CCDC83: variants seen among roughly 807,000 people sequenced by gnomAD.
CCDC83 encodes coiled-coil domain-containing protein 83.
A neutral mutation model predicts 50.1 loss-of-function variants in CCDC83; 54 were observed. That is an observed-to-expected ratio of 1.08 (90% confidence interval 0.87 to 1.35). The LOEUF (loss-of-function observed/expected upper bound fraction) is 1.35, where lower values mean the gene tolerates loss of function less well. Among genes scored for constraint, CCDC83 ranks in the 40% most tolerant of loss-of-function variants. CCDC83 has a pLI of 0.00. For synonymous variants in CCDC83, 161 were observed against 153.3 expected, an observed-to-expected ratio of 1.05 and a Z score of -0.37; for missense variants, 518 against 473.9, an observed-to-expected ratio of 1.09 and a Z score of -0.86.
At chr11:85,912,239 T>C (rs1298903939) in intron 8 of CCDC83, among the ~76,000 whole-genome samples, 4 of 152,130 alleles carry the variant, frequency 2.6e-5, no homozygotes, top group African/African-American at 4.8e-5. Flanking sequence ...ACACAAGTAG[T>C]TCCTATTGTT....
At chr11:85,875,907 T>G (rs1408988100) in intron 3 of CCDC83, among the ~76,000 whole-genome samples, 1 of 152,206 alleles carries the variant, frequency 6.6e-6, no homozygotes, top group East Asian at 1.9e-4. Context: ...CGTAGTTCAC[T>G]CTGTCTACTT....
At chr11:85,860,830 G>T (rs541482057) in intron 1 of CCDC83, among the ~76,000 whole-genome samples, 1 of 152,336 alleles carries the variant, frequency 6.6e-6, no homozygotes, top group African/African-American at 2.4e-5. Context: ...CGTGTCCTTT[G>T]TAGCAACATG....
intron 10 of CCDC83, among the ~76,000 whole-genome samples, chr11:85,917,162 G>GGAA (rs2093482391): frequency 3.6e-4 from 24 of 65,882 alleles, no homozygotes; most frequent in African/African-American, 1.3e-3. Context: ...GAGAGAGAGA[G>GGAA]AGAGAGAAAG....
At chr11:85,885,859 T>G (rs1234406036) in intron 4 of CCDC83, among the ~76,000 whole-genome samples, 6 of 152,194 alleles carry the variant, frequency 3.9e-5, no homozygotes, top group African/African-American at 7.2e-5. Flanking sequence ...GAATACATAT[T>G]ATACATATTA....
rs2093134378 is a variant in CCDC83, at chr11:85,855,550, G to A, written c.-63G>A. The A allele has an allele frequency of 6.6e-6, 1 of 152,378 alleles. No individual in the cohort carries two copies. The highest frequency in any genetic ancestry group is 1.5e-5 in the Non-Finnish European group (1 of 68,180). 9.4% of individuals were successfully genotyped at this position (152,378 alleles called of 1,614,324 possible). A position where few individuals can be genotyped will look rare whatever the true frequency, so the allele number is the denominator to read the frequency against. ...GGTAGAACCCCTGGATACATTATTTGCCCTCTCGAAAGGCAGGCTCTGAAT... is the reference window on the plus strand; with the variant it reads ...GGTAGAACCCCTGGATACATTATTTACCCTCTCGAAAGGCAGGCTCTGAAT... On this transcript the variant is annotated 5_prime_UTR_variant, in exon 1 of 11. Transcript: ENST00000342404.
intron 7 of CCDC83, among the ~76,000 whole-genome samples, chr11:85,901,712 T>A (rs2093403240): frequency 6.7e-6 from 1 of 149,262 alleles, no homozygotes; most frequent in South Asian, 2.1e-4. Flanking sequence ...ATCCAACTAA[T>A]ACAAATACAC....
intron 10 of CCDC83, among the ~76,000 whole-genome samples, chr11:85,917,166 G>GAAAGAAAGAAAGAAAGAAAGAAAGAA (rs59229600): frequency 2.4e-3 from 150 of 62,376 alleles, no homozygotes; most frequent in Non-Finnish European, 3.5e-3. Flanking sequence ...GAGAGAGAGA[G>GAAAGAAAGAAAGAAAGAAAGAAAGAA]AGAAAGAAAG....
At chr11:85,858,507 G>T (rs2093155890) in intron 1 of CCDC83, among the ~76,000 whole-genome samples, 1 of 152,192 alleles carries the variant, frequency 6.6e-6, no homozygotes, top group Non-Finnish European at 1.5e-5. Flanking sequence ...CCTGGGGCTG[G>T]TCACTCAGTT....
intron 8 of CCDC83, among the ~76,000 whole-genome samples, chr11:85,914,302 C>T (rs2093467545): frequency 6.6e-6 from 1 of 152,188 alleles, no homozygotes; most frequent in Non-Finnish European, 1.5e-5. Context: ...TGCAAGCGTT[C>T]AATTACTTCA....
upstream of CCDC83, chr11:85,855,117 A>T (rs2093131476): frequency 6.6e-6 from 1 of 152,346 alleles, no homozygotes; most frequent in African/African-American, 2.4e-5. Context: ...AGGGCGCAGC[A>T]GCCGCTGCAG....
At chr11:85,859,140 A>C (rs2153681369) in intron 1 of CCDC83, among the ~76,000 whole-genome samples, 1 of 150,690 alleles carries the variant, frequency 6.6e-6, no homozygotes, top group Non-Finnish European at 1.5e-5. Flanking sequence ...AGGTGGGTAA[A>C]TAAAAATCTT....
intron 3 of CCDC83, among the ~76,000 whole-genome samples, chr11:85,881,373 C>T (rs923719269): frequency 6.7e-6 from 1 of 149,948 alleles, no homozygotes; most frequent in African/African-American, 2.5e-5. Flanking sequence ...ACTCCATCCC[C>T]CCCCAAAAAA....
intron 2 of CCDC83, among the ~76,000 whole-genome samples, chr11:85,866,294 G>A (rs1290698265): frequency 2.6e-5 from 4 of 152,182 alleles, no homozygotes; most frequent in African/African-American, 9.7e-5. Flanking sequence ...CCAAGTGCAA[G>A]TCAAGTGCTG....
At position 85,915,419 on chromosome 11, in the gene CCDC83, GC is replaced by G. The variant is rs1262184133; in HGVS notation, c.796del (p.Arg266AspfsTer10). 1 of 1,605,372 alleles carries G rather than the reference GC, an allele frequency of 6.2e-7. No homozygotes were observed. The highest frequency in any genetic ancestry group is 8.5e-7 in the Non-Finnish European group (1 of 1,176,696). On this transcript the variant is annotated frameshift_variant and splice_region_variant, in exon 9 of 11. Coordinates refer to ENST00000342404, the MANE Select transcript of CCDC83 (RefSeq NM_001286159.2). LOFTEE classifies it high-confidence loss of function. The stretch of plus-strand genomic sequence containing the variant: ...TTGTTTTTCTCATTTGTTCTTTTAG[GC>G]GACTATATCTTACCCAAGCTGCTGG... The part of the protein sequence containing the change: ...CRLVDLKIPR[R>X]LYLTQAAGLE...
intron 7 of CCDC83, among the ~76,000 whole-genome samples, chr11:85,905,661 G>A (rs1357756310): frequency 6.7e-6 from 1 of 149,938 alleles, no homozygotes; most frequent in African/African-American, 2.5e-5. Context: ...CTCAAGGTGA[G>A]CTCAACAGTT....
At chr11:85,883,453 T>C (rs974925199) in intron 4 of CCDC83, among the ~76,000 whole-genome samples, 3 of 151,880 alleles carry the variant, frequency 2.0e-5, no homozygotes, top group Non-Finnish European at 4.4e-5. Context: ...GGGATTAGCG[T>C]TGGGAAAGGG....
intron 2 of CCDC83, among the ~76,000 whole-genome samples, chr11:85,866,385 T>C (rs555159697): frequency 6.6e-6 from 1 of 151,890 alleles, no homozygotes; most frequent in East Asian, 1.9e-4. Flanking sequence ...AACCACTAAT[T>C]TGAGCTTTAA....
At chr11:85,917,154 G>GGCA (rs1565159851) in intron 10 of CCDC83, among the ~76,000 whole-genome samples, 27 of 69,714 alleles carry the variant, frequency 3.9e-4, no homozygotes, top group African/African-American at 1.3e-3. Flanking sequence ...GAGAGAGAGA[G>GGCA]AGAGAGAGAG....
chr11:85,885,183 C>T (rs1345775356), intron 4 of CCDC83, among the ~76,000 whole-genome samples: 2 of 151,582 alleles, frequency 1.3e-5, no homozygotes, highest in African/African-American at 4.9e-5. Flanking sequence ...CACTGCTCTC[C>T]AGTCTGAGTG....
Sources: allele counts gnomAD v4.1 joint callset (sites outside exome capture counted in the v4.1 genomes callset), GRCh38; gene constraint gnomAD v4.1.1; transcripts MANE v1.5; gene names NCBI Gene and HGNC (gene_info 2026-07-23, HGNC 2026-07-21).